Variants in KLKB1 observed in about 807,000 individuals in gnomAD.
The protein encoded by KLKB1 is plasma kallikrein.
KLKB1 carries 58 observed loss-of-function variants against 73.6 expected under a neutral mutation model. The ratio of observed to expected loss-of-function variants is 0.79; its 90% confidence interval spans 0.64 to 0.98. KLKB1 has a LOEUF of 0.98. Among genes scored for constraint, KLKB1 ranks in the 50% least tolerant of loss-of-function variants. The pLI is 0.00. For synonymous variants in KLKB1, 280 were observed against 258.1 expected (o/e 1.08, Z -0.81); for missense variants, 737 against 763.8 (o/e 0.96, Z 0.41).
At chr4:186,231,789 T>C (rs1438961203) in intron 2 of KLKB1, among the ~76,000 whole-genome samples, 3 of 152,190 alleles carry the variant, frequency 2.0e-5, no homozygotes, top group Non-Finnish European at 2.9e-5. Flanking sequence ...ATAGAGCAAA[T>C]ATTATTCTTT....
intron 6 of KLKB1, among the ~76,000 whole-genome samples, chr4:186,241,772 A>G (rs1245310417): frequency 6.6e-6 from 1 of 152,228 alleles, no homozygotes; most frequent in African/African-American, 2.4e-5. Flanking sequence ...TAGGGGAAGC[A>G]ACATCATGGT....
At chr4:186,233,072 G>A (rs1247040777) in intron 3 of KLKB1, among the ~76,000 whole-genome samples, 7 of 150,546 alleles carry the variant, frequency 4.6e-5, no homozygotes, top group African/African-American at 1.5e-4. Context: ...GCACCACCAC[G>A]TCCAGCTAAT....
rs540001306 is a variant in KLKB1, at chr4:186,243,649, G to A, written c.598+5284G>A. On this transcript the variant is annotated intron_variant, in intron 6 of 14. Coordinates refer to ENST00000264690, the MANE Select transcript of KLKB1 (RefSeq NM_000892.5). ...AGGCATTAAGATGGAGAACCCTTGT[G>A]TAGTGAGGAAACCTCCTTCAGCCCA... Among the ~76,000 whole-genome samples, 16 of 152,310 alleles carry A rather than the reference G, an allele frequency of 1.1e-4. No individual in the cohort carries two copies. In the South Asian group the frequency reaches 3.3e-3, roughly 32 times the overall value.
intron 6 of KLKB1, among the ~76,000 whole-genome samples, chr4:186,241,366 T>A (rs996322472): frequency 6.6e-6 from 1 of 152,164 alleles, no homozygotes; most frequent in Non-Finnish European, 1.5e-5. Flanking sequence ...GCTGATGAGC[T>A]GAACCAGAAC....
intron 6 of KLKB1, among the ~76,000 whole-genome samples, chr4:186,245,749 G>A (rs994596786): frequency 9.3e-5 from 14 of 150,854 alleles, no homozygotes; most frequent in Non-Finnish European, 1.2e-4. Context: ...TCTTGAAGGC[G>A]AGGTTAATTA....
At chr4:186,255,213 A>T (rs1738933633) in intron 12 of KLKB1, among the ~76,000 whole-genome samples, 1 of 152,180 alleles carries the variant, frequency 6.6e-6, no homozygotes, top group Non-Finnish European at 1.5e-5. Flanking sequence ...TCGTGGTCAG[A>T]GGTGTTGCCT....
intron 2 of KLKB1, 119 bp from the exon 3 acceptor site, chr4:186,232,008 A>G (rs1737419580): frequency 1.5e-6 from 1 of 685,424 alleles, no homozygotes; most frequent in East Asian, 2.8e-5. Flanking sequence ...GCATAATTAG[A>G]GTTGTATTAT....
At chr4:186,236,129 A>G (rs1431951611) in intron 4 of KLKB1, among the ~76,000 whole-genome samples, 2 of 147,484 alleles carry the variant, frequency 1.4e-5, no homozygotes, top group Non-Finnish European at 2.9e-5. Flanking sequence ...AAAAAAAAAA[A>G]AAAAGAGCCT....
Position 186,233,800 on chromosome 4 carries a change from T to C in KLKB1, c.222-152T>C, listed in dbSNP as rs1737524921. The C allele has an allele frequency of 6.3e-6, 4 of 634,566 alleles. No individual in the cohort carries two copies. The South Asian group carries it at 7.4e-5, about 12-fold the overall frequency. The allele number at this position is 634,566 out of a possible 1,614,324, so 39.3% of individuals were successfully genotyped here. A position where few individuals can be genotyped will look rare whatever the true frequency, so the allele number is the denominator to read the frequency against. On this transcript the variant is annotated intron_variant, in intron 3 of 14. Coordinates refer to ENST00000264690, the MANE Select transcript of KLKB1 (RefSeq NM_000892.5). Reference sequence around the variant, plus strand: ...TAGATATTATGGGGTGTTATAAAATTAGCTCTAAGAGTGTTCTTTCCAGCA... The same window carrying C: ...TAGATATTATGGGGTGTTATAAAATCAGCTCTAAGAGTGTTCTTTCCAGCA...
chr4:186,227,196 ATG>A (rs1318682553), upstream of KLKB1, among the ~76,000 whole-genome samples: 1 of 152,118 alleles, frequency 6.6e-6, no homozygotes, highest in Non-Finnish European at 1.5e-5. Context: ...ATACACTTCT[ATG>A]TGTCTTTTCT....
At chr4:186,222,630 G>A (rs1042976881), upstream of KLKB1, among the ~76,000 whole-genome samples, 2 of 152,136 alleles carry the variant, frequency 1.3e-5, no homozygotes, top group African/African-American at 4.8e-5. Flanking sequence ...TGTAGTTATA[G>A]TTATTTGTTA....
upstream of KLKB1, among the ~76,000 whole-genome samples, chr4:186,223,914 C>T (rs1272648688): frequency 6.6e-6 from 1 of 152,196 alleles, no homozygotes; most frequent in Non-Finnish European, 1.5e-5. Flanking sequence ...ATTACAAGCC[C>T]AGAGGCCTAG....
At chr4:186,210,891 C>A in intron 2 of KLKB1, 1 of 416,716 alleles carries the variant, frequency 2.4e-6, no homozygotes, top group Non-Finnish European at 4.4e-6. Context: ...TGGAGGAGTG[C>A]AGTGGTGTGA....
Position 186,257,322 on chromosome 4 carries a change from T to G in KLKB1, c.1682T>G (p.Met561Arg), listed in dbSNP as rs1191648783. The G allele has an allele frequency of 6.2e-7, 1 of 1,604,508 alleles. No individual in the cohort carries two copies. Among genetic ancestry groups the G allele is most frequent in the Non-Finnish European group, 8.5e-7 (1 of 1,174,688 alleles). Residue 561 changes from methionine (M) to arginine (R), a missense_variant, in exon 14 of 15, where the codon ATG becomes AGG. Transcript: ENST00000264690. ...CAAGATTATAAAATAACCCAACGGA[T>G]GGTCTGTGCTGGCTATAAAGAAGGG... ...RYQDYKITQR[M>R]VCAGYKEGGK...
intron 6 of KLKB1, among the ~76,000 whole-genome samples, chr4:186,246,881 C>T (rs923082834): frequency 1.3e-5 from 2 of 152,138 alleles, no homozygotes; most frequent in African/African-American, 2.4e-5. Flanking sequence ...GACTATCTTC[C>T]CAAGTCCATG....
chr4:186,252,036 CA>C lies in KLKB1; in HGVS notation c.1165del (p.Thr389HisfsTer18). ...TTTCAGTCTGCACAACAAAAACAAG[CA>C]CACGCATTGTTGGAGGAACAAACTC... ...DNSVCTTKTS[T>X]RIVGGTNSSW... is the part of the protein sequence containing the mutation. On this transcript the variant is annotated frameshift_variant, in exon 11 of 15. Coordinates refer to ENST00000264690, the MANE Select transcript of KLKB1 (RefSeq NM_000892.5). LOFTEE classifies it high-confidence loss of function. 2 of 1,614,178 alleles carry C rather than the reference CA, an allele frequency of 1.2e-6. No individual in the cohort carries two copies. Among genetic ancestry groups the C allele is most frequent in the Non-Finnish European group, 1.7e-6 (2 of 1,180,048 alleles).
chr4:186,254,586 A>G lies in KLKB1; in HGVS notation c.1314-2A>G, dbSNP rs1307228749. 6.2e-7 allele frequency: 1 copy of G among 1,613,454 alleles called. No homozygotes were observed. Among genetic ancestry groups the G allele is most frequent in the African/African-American group, 1.3e-5 (1 of 75,050 alleles). ...AAACAGGTATTTATTTTTCTCTCCT[A>G]GGCTTCCCCTGCAGGATGTTTGGCG... On this transcript the variant is annotated splice_acceptor_variant, in intron 11 of 14. Coordinates refer to ENST00000264690, the MANE Select transcript of KLKB1 (RefSeq NM_000892.5). LOFTEE classifies it high-confidence loss of function.
In KLKB1 at chr4:186,221,074, A is replaced by G. The variant is rs76227357; in HGVS notation, c.202-11053A>G. 2.4e-3 allele frequency among the ~76,000 whole-genome samples: 372 copies of G among 152,076 alleles called. 2 individuals are homozygous for G. The highest frequency in any genetic ancestry group is 8.6e-3 in the African/African-American group (359 of 41,528). ...CTAGGAATTTATCTATTTCTTCTAC[A>G]TTATTTAATTAGTTGATGTACTGTT... On this transcript the variant is annotated intron_variant, in intron 2 of 14. Transcript: ENST00000511608.
intron 3 of KLKB1, 41 bp downstream of exon 3, chr4:186,232,330 A>T: frequency 6.3e-7 from 1 of 1,576,612 alleles, no homozygotes; most frequent in Non-Finnish European, 8.7e-7. Context: ...CTGTTTTTCA[A>T]AACTGAATCA....
Sources: allele counts gnomAD v4.1 joint callset (sites outside exome capture counted in the v4.1 genomes callset), GRCh38; gene constraint gnomAD v4.1.1; transcripts MANE v1.5; gene names NCBI Gene and HGNC (gene_info 2026-07-23, HGNC 2026-07-21).